Variants in NFIL3 observed in about 807,000 individuals in gnomAD.
NFIL3 encodes nuclear factor interleukin-3-regulated protein.
NFIL3 carries 5 observed loss-of-function variants against 10.0 expected under a neutral mutation model. The ratio of observed to expected loss-of-function variants is 0.50; its 90% CI spans 0.26 to 1.06. The LOEUF (loss-of-function observed/expected upper bound fraction) is 1.06. Among genes scored for constraint, NFIL3 ranks in the 50% least tolerant of loss-of-function variants. NFIL3 has a pLI of 0.13. For missense variants in NFIL3, 436 were observed against 547.6 expected, an observed-to-expected ratio of 0.80 and a Z score of 2.03; for synonymous variants, 202 against 206.5, an observed-to-expected ratio of 0.98 and a Z score of 0.19.
chr9:91,457,028 A>G, the NFIL3 span, among the ~76,000 whole-genome samples: 1 of 152,002 alleles, frequency 6.6e-6, no homozygotes, highest in African/African-American at 2.4e-5. Flanking sequence ...TTATTAAAAG[A>G]TATGTGTGTG....
intron 1 of NFIL3, among the ~76,000 whole-genome samples, chr9:91,421,184 A>G (rs994048943): frequency 2.6e-5 from 4 of 151,630 alleles, no homozygotes; most frequent in African/African-American, 9.7e-5. Flanking sequence ...AGGGCCGCGG[A>G]GACGCAGGCG....
At chr9:91,435,409 C>T in the NFIL3 span, among the ~76,000 whole-genome samples, 3 of 152,150 alleles carry the variant, frequency 2.0e-5, no homozygotes, top group Non-Finnish European at 4.4e-5. Flanking sequence ...TAATTTGCAT[C>T]CAGAATACCA....
At chr9:91,411,318 AAAT>A (rs1833544243) in intron 1 of NFIL3, among the ~76,000 whole-genome samples, 1 of 152,230 alleles carries the variant, frequency 6.6e-6, no homozygotes, top group African/African-American at 2.4e-5. Context: ...TGGTGCTTCT[AAAT>A]AATGTTACCT....
Position 91,412,986 on chromosome 9 carries a change from T to C in NFIL3, c.-172-2080A>G, listed in dbSNP as rs183860310. Among the ~76,000 whole-genome samples the C allele has an allele frequency of 2.9e-3, 446 of 152,342 alleles. 1 individual carries two copies. The highest frequency in any genetic ancestry group is 0.01 in the African/African-American group (427 of 41,566). ...AAAAGCCTGCCAGCTTCTTTTGTCT[T>C]TTCCAGGGAATGAAAGGAATTATGT... On this transcript the variant is annotated intron_variant, in intron 1 of 1. Coordinates refer to ENST00000297689, the MANE Select transcript of NFIL3 (RefSeq NM_005384.3).
the NFIL3 span, among the ~76,000 whole-genome samples, chr9:91,448,920 T>C: frequency 1.3e-5 from 2 of 152,326 alleles, no homozygotes; most frequent in East Asian, 3.9e-4. Context: ...CGTTTTATAA[T>C]TTTCAGTATA....
chr9:91,463,156 T>C, the NFIL3 span, among the ~76,000 whole-genome samples: 1 of 151,854 alleles, frequency 6.6e-6, no homozygotes. Flanking sequence ...TTTGTTGATA[T>C]CCTACATAGT....
the NFIL3 span, among the ~76,000 whole-genome samples, chr9:91,472,703 G>A: frequency 2.0e-4 from 30 of 152,226 alleles, no homozygotes; most frequent in African/African-American, 7.0e-4. Flanking sequence ...GCCTACTTTT[G>A]TCAGCTCATC....
the NFIL3 span, among the ~76,000 whole-genome samples, chr9:91,448,438 G>A: frequency 6.6e-6 from 1 of 152,190 alleles, no homozygotes; most frequent in African/African-American, 2.4e-5. Flanking sequence ...CTTTTTAACA[G>A]CATGCTCTAG....
the NFIL3 span, among the ~76,000 whole-genome samples, chr9:91,476,402 G>A: frequency 6.7e-3 from 1,015 of 152,056 alleles, 10 homozygotes; most frequent in African/African-American, 0.023. Flanking sequence ...GCAAAACCCC[G>A]TCTCTACAAA....
At chr9:91,430,522 T>C in the NFIL3 span, among the ~76,000 whole-genome samples, 13,363 of 152,182 alleles carry the variant, frequency 0.088, 868 homozygotes, top group African/African-American at 0.17. Flanking sequence ...GTGTGGTAAC[T>C]GTCACTGGAA....
the NFIL3 span, among the ~76,000 whole-genome samples, chr9:91,465,643 AT>A: frequency 7.3e-5 from 11 of 150,496 alleles, no homozygotes; most frequent in African/African-American, 2.7e-4. Context: ...TAGTGTGTGC[AT>A]TTTTTTTTCC....
intron 1 of NFIL3, among the ~76,000 whole-genome samples, chr9:91,423,141 C>T (rs965432797): frequency 6.6e-6 from 1 of 152,182 alleles, no homozygotes; most frequent in African/African-American, 2.4e-5. Context: ...ATGCCGTCAC[C>T]GTTCACGCTA....
chr9:91,454,319 G>C, the NFIL3 span, among the ~76,000 whole-genome samples: 1 of 150,652 alleles, frequency 6.6e-6, no homozygotes, highest in East Asian at 2.0e-4. Flanking sequence ...AATTGGAATA[G>C]AAAAATTATT....
At chr9:91,424,176 C>A (rs979933842), upstream of NFIL3, among the ~76,000 whole-genome samples, 1 of 151,896 alleles carries the variant, frequency 6.6e-6, no homozygotes, top group Admixed American at 6.5e-5. Flanking sequence ...AGCCCGGGAG[C>A]CCCCCGTCCC....
At chr9:91,413,793 CT>C (rs946039388) in intron 1 of NFIL3, among the ~76,000 whole-genome samples, 2 of 152,178 alleles carry the variant, frequency 1.3e-5, no homozygotes, top group Non-Finnish European at 2.9e-5. Flanking sequence ...TTGGCCACTA[CT>C]TTTTTCCACT....
At chr9:91,468,885 C>A in the NFIL3 span, among the ~76,000 whole-genome samples, 1 of 152,082 alleles carries the variant, frequency 6.6e-6, no homozygotes. Flanking sequence ...CTGTTCTGTT[C>A]CATTGGTCTT....
the NFIL3 span, among the ~76,000 whole-genome samples, chr9:91,477,271 G>A: frequency 1.3e-5 from 2 of 152,164 alleles, no homozygotes; most frequent in Admixed American, 6.5e-5. Context: ...CTTGACACAT[G>A]TCACTCTCCA....
the NFIL3 span, among the ~76,000 whole-genome samples, chr9:91,461,945 C>T: frequency 3.9e-5 from 6 of 151,900 alleles, no homozygotes; most frequent in East Asian, 1.9e-4. Flanking sequence ...TAGGTAATCA[C>T]GGTCATTGTT....
At chr9:91,439,404 T>A in the NFIL3 span, among the ~76,000 whole-genome samples, 421 of 152,290 alleles carry the variant, frequency 2.8e-3, 2 homozygotes, top group Non-Finnish European at 4.7e-3. Context: ...CTAACTGTTT[T>A]TTTTCCCTGT....
Sources: allele counts gnomAD v4.1 joint callset (sites outside exome capture counted in the v4.1 genomes callset), GRCh38; gene constraint gnomAD v4.1.1; transcripts MANE v1.5; gene names NCBI Gene and HGNC (gene_info 2026-07-23, HGNC 2026-07-21).